CLCA1: variants seen among roughly 807,000 people sequenced by gnomAD.
The protein encoded by CLCA1 is chloride channel accessory 1, also known as calcium-activated chloride channel regulator 1.
A neutral mutation model predicts 85.6 loss-of-function variants in CLCA1; 59 were observed. The observed-to-expected ratio is 0.69, with a 90% CI of 0.56 to 0.86. The LOEUF is 0.86. Ranked by LOEUF, CLCA1 falls within the 40% of genes least tolerant of loss-of-function variation. The probability of loss-of-function intolerance (pLI) is 0.00; values close to 1 mark genes in which losing one functional copy is unlikely to be tolerated. For missense variants in CLCA1, 1,022 were observed against 1,101.4 expected (o/e 0.93, Z 1.02); for synonymous variants, 396 against 398.3 (o/e 0.99, Z 0.07).
chr1:86,487,923 C>T (rs549270607), intron 7 of CLCA1, among the ~76,000 whole-genome samples: 2 of 152,332 alleles, frequency 1.3e-5, no homozygotes, highest in Non-Finnish European at 2.9e-5. Context: ...CCAAATTGGG[C>T]CTCTCTGGCC....
chr1:86,474,824 T>A (rs1430320366), intron 3 of CLCA1, among the ~76,000 whole-genome samples: 1 of 152,198 alleles, frequency 6.6e-6, no homozygotes, highest in Non-Finnish European at 1.5e-5. Flanking sequence ...ATATATAAAA[T>A]GTACTTTCCA....
chr1:86,495,814 C>T (rs1301433919), intron 12 of CLCA1, 139 bp downstream of exon 12: 1 of 792,636 alleles, frequency 1.3e-6, no homozygotes, highest in Non-Finnish European at 1.9e-6. Flanking sequence ...TTGAGCCAGA[C>T]AATCCTTTGT....
At chr1:86,496,696 T>C (rs1019848029) in intron 12 of CLCA1, among the ~76,000 whole-genome samples, 16 of 152,284 alleles carry the variant, frequency 1.1e-4, no homozygotes, top group African/African-American at 1.4e-4. Flanking sequence ...GTGTCACTCA[T>C]GCAAAGGTGA....
intron 7 of CLCA1, among the ~76,000 whole-genome samples, chr1:86,488,342 C>A (rs909139): frequency 0.13 from 19,307 of 152,074 alleles, 1,332 homozygotes; most frequent in East Asian, 0.19. Flanking sequence ...TCAACATTGG[C>A]AGAAGGAGTA....
chr1:86,469,002 T>A lies in CLCA1; in HGVS notation c.31T>A (p.Leu11Met). Residue 11 changes from leucine (L) to methionine (M), a missense_variant, in exon 1 of 14, where the codon TTG becomes ATG. Coordinates refer to ENST00000394711, the MANE Select transcript of CLCA1 (RefSeq NM_001285.4). ...GCCATTTAAGAGTTCTGTGTTCATC[T>A]TGATTCTTCACCTTCTAGAAGGGGC... MGPFKSSVFILILHLLEGALS... is the reference protein window; with the variant it reads MGPFKSSVFIMILHLLEGALS... The A allele has an allele frequency of 6.2e-7, 1 of 1,612,728 alleles. No individual in the cohort carries two copies. The highest frequency in any genetic ancestry group is 2.2e-5 in the East Asian group (1 of 44,846).
At chr1:86,484,849 GA>G (rs5744364) in intron 5 of CLCA1, among the ~76,000 whole-genome samples, 82,494 of 151,928 alleles carry the variant, frequency 0.54, 24,237 homozygotes, top group East Asian at 0.79. Flanking sequence ...GCAGATGGGA[GA>G]AAAGTGATAA....
Position 86,482,373 on chromosome 1 carries a change from T to G in CLCA1, c.726T>G (p.His242Gln). The change falls in exon 5 of 14, where the codon CAT becomes CAG. Residue 242 changes from histidine (H) to glutamine (Q), a missense_variant. His to Gln is a conservative substitution (Grantham distance 24). Transcript: ENST00000394711. Reference protein sequence around the residue: ...TEKASIMFAQHVDSIVEFCTE... With the variant: ...TEKASIMFAQQVDSIVEFCTE... ...AGGCTTCTATAATGTTTGCACAACA[T>G]GTTGATTCTGTAAGTACCTTGTTCT... 1 of 1,613,574 alleles carries G rather than the reference T, an allele frequency of 6.2e-7. No individual in the cohort carries two copies. The highest frequency in any genetic ancestry group is 8.5e-7 in the Non-Finnish European group (1 of 1,179,744).
rs894449579 is a variant in CLCA1, at chr1:86,481,106, G to T, written c.558-1099G>T. Among the ~76,000 whole-genome samples, 22 of 152,076 alleles carry T rather than the reference G, an allele frequency of 1.4e-4. 1 individual carries two copies. Among genetic ancestry groups the T allele is most frequent in the Admixed American group, 1.3e-3 (20 of 15,266 alleles). On this transcript the variant is annotated intron_variant, in intron 4 of 13. Coordinates refer to ENST00000394711, the MANE Select transcript of CLCA1 (RefSeq NM_001285.4). The stretch of plus-strand genomic sequence containing the variant: ...CTGAATACATATGATAGTATTAAAA[G>T]ATATAAAATTATTAAGATCACATTT...
intron 9 of CLCA1, among the ~76,000 whole-genome samples, chr1:86,492,651 A>G (rs186913299): frequency 6.6e-6 from 1 of 152,332 alleles, no homozygotes; most frequent in Non-Finnish European, 1.5e-5. Flanking sequence ...ACATTTTCTA[A>G]AAAAGCCTTG....
chr1:86,476,978 C>T (rs1023307047), intron 4 of CLCA1, among the ~76,000 whole-genome samples: 4 of 152,182 alleles, frequency 2.6e-5, no homozygotes, highest in Non-Finnish European at 4.4e-5. Flanking sequence ...GATGCAATCA[C>T]AGCTCACTCC....
chr1:86,499,126 G>T (rs4655914), intron 13 of CLCA1, among the ~76,000 whole-genome samples: 9,004 of 152,258 alleles, frequency 0.059, 321 homozygotes, highest in Middle Eastern at 0.14. Context: ...ACTGGAAATG[G>T]AGCATAGATG....
In CLCA1 at chr1:86,473,462, A is replaced by T; in HGVS notation, c.208A>T (p.Lys70Ter). 7 of 1,610,018 alleles carry T rather than the reference A, an allele frequency of 4.3e-6. No homozygotes were observed. The highest frequency in any genetic ancestry group is 5.9e-6 in the Non-Finnish European group (7 of 1,176,600). ...ASLYLLEATGKRFYFKNVAIL... is the reference protein window; with the variant it reads ...ASLYLLEATG ...TCTGTATCTGCTTGAAGCTACAGGAAAGCGATTTTATTTCAAAAATGTTGC... is the reference window on the plus strand; with the variant it reads ...TCTGTATCTGCTTGAAGCTACAGGATAGCGATTTTATTTCAAAAATGTTGC... The change falls in exon 2 of 14, where the codon AAG becomes TAG. Residue 70 changes from lysine to a stop codon, truncating the protein, a stop_gained. Transcript: ENST00000394711. LOFTEE classifies it high-confidence loss of function.
intron 3 of CLCA1, among the ~76,000 whole-genome samples, chr1:86,475,363 A>G (rs1647613355): frequency 6.6e-6 from 1 of 152,224 alleles, no homozygotes; most frequent in African/African-American, 2.4e-5. Context: ...CTTGGAATTT[A>G]CATTCCAGAA....
chr1:86,469,227 G>T, intron 1 of CLCA1, 94 bp downstream of exon 1: 1 of 785,618 alleles, frequency 1.3e-6, no homozygotes, highest in South Asian at 2.6e-5. Context: ...CACGACACTG[G>T]CATGTATTTT....
chr1:86,481,552 G>A (rs959361694), intron 4 of CLCA1, among the ~76,000 whole-genome samples: 3 of 152,038 alleles, frequency 2.0e-5, no homozygotes, highest in African/African-American at 7.2e-5. Context: ...TATACAAAGT[G>A]AAAAATGCTT....
Position 86,499,876 on chromosome 1 carries a change from T to G in CLCA1, c.2576T>G (p.Ile859Ser). The change falls in exon 14 of 14, where the codon ATT becomes AGT. Residue 859 changes from isoleucine (I) to serine (S), a missense_variant. Physicochemically the swap from Ile to Ser is moderately radical, Grantham distance 142. Transcript: ENST00000394711. ...KVDLKSEISNIARVSLFIPPQ... is the reference protein window; with the variant it reads ...KVDLKSEISNSARVSLFIPPQ... ...GATCTGAAATCAGAAATATCCAACA[T>G]TGCACGAGTATCTTTGTTTATTCCT... 4 of 1,613,980 alleles carry G rather than the reference T, an allele frequency of 2.5e-6. No individual in the cohort carries two copies. The highest frequency in any genetic ancestry group is 3.4e-6 in the Non-Finnish European group (4 of 1,179,816).
chr1:86,472,352 G>T (rs1475493666), intron 1 of CLCA1, among the ~76,000 whole-genome samples: 2 of 152,102 alleles, frequency 1.3e-5, no homozygotes, highest in African/African-American at 4.8e-5. Context: ...CCTCCCTATA[G>T]CTCTCTCATC....
chr1:86,483,739 T>C (rs1223588944), intron 5 of CLCA1, among the ~76,000 whole-genome samples: 1 of 152,238 alleles, frequency 6.6e-6, no homozygotes. Flanking sequence ...AAAGTCATAT[T>C]GAGTTTTTGT....
intron 8 of CLCA1, 33 bp downstream of exon 8, chr1:86,489,203 G>A (rs760594701): frequency 6.3e-7 from 1 of 1,596,290 alleles, no homozygotes; most frequent in Non-Finnish European, 8.6e-7. Flanking sequence ...CCCCGGTATT[G>A]TCTCTCCTAC....
Sources: gnomAD v4.1 joint callset for allele counts (sites outside exome capture counted in the v4.1 genomes callset) on GRCh38, gnomAD v4.1.1 for gene constraint, MANE v1.5 for transcripts, NCBI Gene and HGNC (gene_info 2026-07-23, HGNC 2026-07-21) for gene names.